KIZ: variants seen among roughly 807,000 people sequenced by gnomAD.
KIZ encodes the protein centrosomal protein kizuna.
Under a neutral mutation model 79.6 loss-of-function variants are expected in KIZ, and 68 were observed. The observed-to-expected ratio is 0.85, with a 90% CI of 0.70 to 1.05. The LOEUF (loss-of-function observed/expected upper bound fraction) is 1.05, where lower values mean the gene tolerates loss of function less well. Among genes scored for constraint, KIZ ranks in the 50% least tolerant of loss-of-function variants. KIZ has a pLI of 0.00. For synonymous variants in KIZ, 280 were observed against 281.8 expected (o/e 0.99, Z 0.06); for missense variants, 797 against 800.4 (o/e 1.00, Z 0.05).
At chr20:21,242,649 T>A (rs1156483987) in intron 11 of KIZ, among the ~76,000 whole-genome samples, 1 of 151,834 alleles carries the variant, frequency 6.6e-6, no homozygotes, top group Admixed American at 6.6e-5. Flanking sequence ...TTGGGGAGAC[T>A]AGTGGGTCAG....
In KIZ at chr20:21,161,181, T is replaced by C. The variant is rs553434128; in HGVS notation, c.406-690T>C. On this transcript the variant is annotated intron_variant, in intron 4 of 12. Coordinates refer to ENST00000619189, the MANE Select transcript of KIZ (RefSeq NM_018474.6). ...CCTTTTCCCACTTTTAAGGGCTGTTTGTCTTTTTATTATGTAGTTATATGA... is the reference window on the plus strand; with the variant it reads ...CCTTTTCCCACTTTTAAGGGCTGTTCGTCTTTTTATTATGTAGTTATATGA... Among the ~76,000 whole-genome samples, 4 of 152,370 alleles carry C rather than the reference T, an allele frequency of 2.6e-5. No individual in the cohort carries two copies. In the East Asian group the frequency reaches 7.7e-4, roughly 29 times the overall value.
intron 8 of KIZ, 51 bp downstream of exon 8, chr20:21,214,751 C>T: frequency 8.2e-7 from 1 of 1,212,432 alleles, no homozygotes; most frequent in South Asian, 1.3e-5. Context: ...TCAGGGTCAT[C>T]ATCATCTTTC....
chr20:21,151,487 GAAA>G (rs1027199614), intron 4 of KIZ: 33 of 151,864 alleles, frequency 2.2e-4, no homozygotes, highest in Non-Finnish European at 8.8e-5. Context: ...AGGGGGAAGA[GAAA>G]AAAAGTGGAT....
chr20:21,206,182 C>G (rs1202120561), intron 7 of KIZ, among the ~76,000 whole-genome samples: 1 of 152,166 alleles, frequency 6.6e-6, no homozygotes, highest in Non-Finnish European at 1.5e-5. Context: ...TTTAGAAATA[C>G]TTTATAGTCA....
At chr20:21,203,229 A>G (rs569383092) in intron 6 of KIZ, among the ~76,000 whole-genome samples, 1 of 151,852 alleles carries the variant, frequency 6.6e-6, no homozygotes, top group African/African-American at 2.4e-5. Flanking sequence ...TTTTTATGCT[A>G]TTGATTTGTT....
At chr20:21,206,878 A>G (rs1382494075) in intron 7 of KIZ, among the ~76,000 whole-genome samples, 1 of 152,284 alleles carries the variant, frequency 6.6e-6, no homozygotes, top group African/African-American at 2.4e-5. Context: ...ATGGAAATGG[A>G]TGGAGCAAGT....
At chr20:21,238,100 G>T (rs902073335) in intron 11 of KIZ, among the ~76,000 whole-genome samples, 1 of 152,182 alleles carries the variant, frequency 6.6e-6, no homozygotes, top group Middle Eastern at 3.4e-3. Flanking sequence ...CAAAGTGCTG[G>T]GATTATAGGC....
intron 3 of KIZ, among the ~76,000 whole-genome samples, chr20:21,137,199 T>A (rs6035787): frequency 3.9e-5 from 6 of 152,054 alleles, no homozygotes; most frequent in Non-Finnish European, 8.8e-5. Flanking sequence ...TTTGCCTTTA[T>A]GCTCCTGGTC....
Position 21,214,606 on chromosome 20 carries a change from A to C in KIZ, c.1518A>C (p.Ser506=), listed in dbSNP as rs748938697. 11 of 1,611,798 alleles carry C rather than the reference A, an allele frequency of 6.8e-6. No individual in the cohort carries two copies. The East Asian group carries it at 2.0e-4, about 29-fold the overall frequency. Reference sequence around the variant, plus strand: ...GGTCAGCTATTCACAGTAGTGAATCATCTTGCAGCTTGCCATCTATTCTGA... The same window carrying C: ...GGTCAGCTATTCACAGTAGTGAATCCTCTTGCAGCTTGCCATCTATTCTGA... ...GRRSAIHSSE[S]SCSLPSILND... Residue 506 remains serine, a synonymous_variant, in exon 8 of 13, where the codon TCA becomes TCC. Coordinates refer to ENST00000619189, the MANE Select transcript of KIZ (RefSeq NM_018474.6).
chr20:21,191,716 AG>A (rs1491402192), intron 6 of KIZ, among the ~76,000 whole-genome samples: 2 of 148,976 alleles, frequency 1.3e-5, no homozygotes, highest in East Asian at 1.9e-4. Flanking sequence ...AAAAGAGAAC[AG>A]GGGGGGAAGC....
intron 6 of KIZ, among the ~76,000 whole-genome samples, chr20:21,190,442 A>G (rs1187186793): frequency 2.0e-5 from 3 of 152,244 alleles, no homozygotes; most frequent in Non-Finnish European, 4.4e-5. Context: ...TAGAGCTTCT[A>G]CAGACCTCTC....
rs1216460318 is a variant in KIZ, at chr20:21,132,203, T to C, written c.152+44T>C. The C allele has an allele frequency of 1.1e-5, 10 of 928,220 alleles. No individual in the cohort carries two copies. In the South Asian group the frequency reaches 1.3e-4, roughly 12 times the overall value. 57.5% of individuals were successfully genotyped at this position (928,220 alleles called of 1,614,324 possible). On this transcript the variant is annotated intron_variant, in intron 2 of 12. Coordinates refer to ENST00000619189, the MANE Select transcript of KIZ (RefSeq NM_018474.6). ...AACAGTTTTCAAGCCAGGTTCCATA[T>C]ATTAATCAAAAATGTAACCCTAATG...
intron 4 of KIZ, among the ~76,000 whole-genome samples, chr20:21,150,458 G>C (rs2033063091): frequency 6.6e-6 from 1 of 152,220 alleles, no homozygotes; most frequent in South Asian, 2.1e-4. Context: ...GGGGCTCTGA[G>C]CAGTTGCCTT....
intron 3 of KIZ, among the ~76,000 whole-genome samples, chr20:21,140,134 G>C (rs1014278415): frequency 6.6e-6 from 1 of 152,172 alleles, no homozygotes; most frequent in Non-Finnish European, 1.5e-5. Context: ...ATTTCTTTCT[G>C]CTTCTTCCTT....
chr20:21,149,263 T>C (rs1346061297), intron 4 of KIZ, among the ~76,000 whole-genome samples: 1 of 152,146 alleles, frequency 6.6e-6, no homozygotes, highest in Non-Finnish European at 1.5e-5. Context: ...CTTCAAAAGT[T>C]GGAGAAATTC....
rs533291190 is a variant in KIZ at position 21,182,820 on chromosome 20, G to T, written c.1352+19661G>T. 7.4e-5 allele frequency among the ~76,000 whole-genome samples: 10 copies of T among 134,740 alleles called. No individual in the cohort carries two copies. The South Asian group carries it at 2.4e-3, about 32-fold the overall frequency. The allele number at this position is 134,740 out of a possible 152,430, so 88.4% of individuals were successfully genotyped here. ...CCCACCAAAAAAAAAAAAAAAAAAA[G>T]ACCAAATAGTAAATATTTTAGACTT... On this transcript the variant is annotated intron_variant, in intron 6 of 12. Coordinates refer to ENST00000619189, the MANE Select transcript of KIZ (RefSeq NM_018474.6).
chr20:21,142,790 C>CAAATAAATAAATAAATAAATAAATAAAT (rs56314647), intron 3 of KIZ, among the ~76,000 whole-genome samples: 5 of 147,840 alleles, frequency 3.4e-5, no homozygotes, highest in African/African-American at 1.3e-4. Flanking sequence ...GCCCTTGTCT[C>CAAATAAATAAATAAATAAATAAATAAAT]AAATAAATAA....
chr20:21,163,137 TC>T lies in KIZ; in HGVS notation c.1332del (p.Thr445LeufsTer28). The T allele has an allele frequency of 3.1e-6, 5 of 1,611,500 alleles. No individual in the cohort carries two copies. Among genetic ancestry groups the T allele is most frequent in the Non-Finnish European group, 3.4e-6 (4 of 1,178,862 alleles). On this transcript the variant is annotated frameshift_variant, in exon 6 of 13. Transcript: ENST00000619189. LOFTEE classifies it high-confidence loss of function. ...CTCTCCTGATTCAGAAAAGGAATCC[TC>T]CACTAACGCACCAACAAGAGAGTAA... ...LSSPDSEKES[S>X]TNAPTREPGQ...
At chr20:21,158,260 T>C (rs1402102406) in intron 4 of KIZ, 2 of 152,238 alleles carry the variant, frequency 1.3e-5, no homozygotes, top group Non-Finnish European at 2.9e-5. Context: ...TTGATTAATA[T>C]CATTTTGCTG....
Sources: allele counts gnomAD v4.1 joint callset (sites outside exome capture counted in the v4.1 genomes callset), GRCh38; gene constraint gnomAD v4.1.1; transcripts MANE v1.5; gene names NCBI Gene and HGNC (gene_info 2026-07-23, HGNC 2026-07-21).